PRDM5: variants seen among roughly 807,000 people sequenced by gnomAD.
PRDM5 encodes the protein PR/SET domain 5, also known as PR domain zinc finger protein 5.
PRDM5 carries 56 observed loss-of-function variants against 81.2 expected under a neutral mutation model. The observed-to-expected ratio is 0.69, with a 90% CI of 0.56 to 0.86. The LOEUF (loss-of-function observed/expected upper bound fraction) is 0.86, where lower values mean the gene tolerates loss of function less well. Ranked by LOEUF, PRDM5 falls within the 40% of genes least tolerant of loss-of-function variation. The pLI is 0.00. For synonymous variants in PRDM5, 267 were observed against 256.4 expected (o/e 1.04, Z -0.39); for missense variants, 697 against 770.1 (o/e 0.91, Z 1.12).
Position 120,758,626 on chromosome 4 carries a change from C to T in PRDM5, c.1538-3988G>A, listed in dbSNP as rs1578621167. Among the ~76,000 whole-genome samples the T allele has an allele frequency of 2.0e-5, 3 of 152,122 alleles. No individual in the cohort carries two copies. The South Asian group carries it at 6.2e-4, about 31-fold the overall frequency. On this transcript the variant is annotated intron_variant, in intron 13 of 15. Coordinates refer to ENST00000264808, the MANE Select transcript of PRDM5 (RefSeq NM_018699.4). ...CCTTCCCTAGCGCCTTCACAGGGAG[C>T]ATGGCCATGCAAGTGCCTTGATCTC...
chr4:120,901,327 T>C (rs1006359836), intron 2 of PRDM5, among the ~76,000 whole-genome samples: 2 of 152,212 alleles, frequency 1.3e-5, no homozygotes, highest in African/African-American at 4.8e-5. Flanking sequence ...TCATGATAAT[T>C]TGATCCTCTG....
intron 2 of PRDM5, among the ~76,000 whole-genome samples, chr4:120,859,573 T>C (rs947615084): frequency 9.8e-5 from 15 of 152,296 alleles, no homozygotes; most frequent in African/African-American, 2.9e-4. Context: ...GGAACAAAGA[T>C]AGTGTTAAGG....
chr4:120,701,411 C>A (rs891601332), intron 15 of PRDM5, among the ~76,000 whole-genome samples: 1 of 152,052 alleles, frequency 6.6e-6, no homozygotes, highest in Non-Finnish European at 1.5e-5. Context: ...TTCACAATAG[C>A]AGAGACATGG....
chr4:120,756,286 G>T (rs772804737), intron 13 of PRDM5, among the ~76,000 whole-genome samples: 1 of 152,120 alleles, frequency 6.6e-6, no homozygotes, highest in Non-Finnish European at 1.5e-5. Flanking sequence ...GCTTAAATCA[G>T]TGTGCATTGT....
intron 14 of PRDM5, among the ~76,000 whole-genome samples, chr4:120,717,548 C>T (rs1737971046): frequency 6.6e-6 from 1 of 152,144 alleles, no homozygotes; most frequent in South Asian, 2.1e-4. Context: ...GAGGGTTCTA[C>T]AGAAACAAAG....
chr4:120,744,470 CA>C (rs1280921718), intron 14 of PRDM5, among the ~76,000 whole-genome samples: 2 of 151,470 alleles, frequency 1.3e-5, no homozygotes, highest in East Asian at 3.9e-4. Flanking sequence ...AAAAACCCTT[CA>C]AAAAATTAAT....
chr4:120,772,171 G>C (rs750246036), intron 13 of PRDM5, among the ~76,000 whole-genome samples: 3 of 152,084 alleles, frequency 2.0e-5, no homozygotes, highest in Admixed American at 6.5e-5. Flanking sequence ...ACTAATCACG[G>C]CAACTCTCTA....
Position 120,803,830 on chromosome 4 carries a change from T to C in PRDM5, c.946-4085A>G, listed in dbSNP as rs6830205. Among the ~76,000 whole-genome samples, 1,306 of 152,240 alleles carry C rather than the reference T, an allele frequency of 8.6e-3. 20 individuals are homozygous for C. Among genetic ancestry groups the C allele is most frequent in the African/African-American group, 0.03 (1,236 of 41,536 alleles). ...AAATAGCAAGCTAACATCATAATGATAGGATCAAATTCACACATAACAATA... is the reference window on the plus strand; with the variant it reads ...AAATAGCAAGCTAACATCATAATGACAGGATCAAATTCACACATAACAATA... On this transcript the variant is annotated intron_variant, in intron 8 of 15. Transcript: ENST00000264808.
At chr4:120,784,934 A>G in intron 11 of PRDM5, 64 bp downstream of exon 11, 1 of 1,307,518 alleles carries the variant, frequency 7.6e-7, no homozygotes, top group Non-Finnish European at 1.1e-6. Flanking sequence ...TACATTCTCA[A>G]AGGTTATAAA....
intron 14 of PRDM5, among the ~76,000 whole-genome samples, chr4:120,742,466 T>A (rs1466627059): frequency 6.6e-6 from 1 of 152,116 alleles, no homozygotes; most frequent in African/African-American, 2.4e-5. Context: ...AGGCTTCAGA[T>A]GATCAAATTA....
intron 3 of PRDM5, among the ~76,000 whole-genome samples, chr4:120,840,372 G>A (rs920973667): frequency 1.3e-4 from 20 of 151,960 alleles, no homozygotes; most frequent in South Asian, 4.2e-4. Flanking sequence ...AGGCCCAGCC[G>A]TTGGGAATGT....
intron 2 of PRDM5, among the ~76,000 whole-genome samples, chr4:120,902,843 G>A (rs1579184874): frequency 6.6e-6 from 1 of 152,214 alleles, no homozygotes; most frequent in South Asian, 2.1e-4. Flanking sequence ...TGCACCTTTG[G>A]ACAAAGAGAG....
intron 3 of PRDM5, among the ~76,000 whole-genome samples, chr4:120,843,620 G>C (rs1758306901): frequency 6.6e-6 from 1 of 151,024 alleles, no homozygotes; most frequent in South Asian, 2.1e-4. Flanking sequence ...GAACCCAGGA[G>C]ATGGAGGCTG....
chr4:120,859,900 T>A (rs889518394), intron 2 of PRDM5, among the ~76,000 whole-genome samples: 4 of 152,178 alleles, frequency 2.6e-5, no homozygotes, highest in Admixed American at 1.3e-4. Flanking sequence ...GTCCGGGTTA[T>A]CCTCATGGGT....
intron 2 of PRDM5, among the ~76,000 whole-genome samples, chr4:120,874,863 T>C (rs1230831709): frequency 6.6e-6 from 1 of 152,238 alleles, no homozygotes; most frequent in Non-Finnish European, 1.5e-5. Flanking sequence ...GAAGTATATG[T>C]GTGTCCTATG....
intron 2 of PRDM5, among the ~76,000 whole-genome samples, chr4:120,901,392 T>TA (rs1199729970): frequency 6.6e-6 from 1 of 152,236 alleles, no homozygotes; most frequent in East Asian, 1.9e-4. Context: ...ACCCTGGTAA[T>TA]ACACTAACCT....
intron 3 of PRDM5, among the ~76,000 whole-genome samples, chr4:120,844,038 A>G (rs1342426198): frequency 6.6e-6 from 1 of 152,178 alleles, no homozygotes; most frequent in African/African-American, 2.4e-5. Context: ...AGCAGGGTGC[A>G]TAGGCCGCTG....
At chr4:120,841,393 GTAGTA>G (rs1375329369) in intron 3 of PRDM5, among the ~76,000 whole-genome samples, 1 of 152,106 alleles carries the variant, frequency 6.6e-6, no homozygotes, top group Non-Finnish European at 1.5e-5. Context: ...GGCACTGGAT[GTAGTA>G]CAGTCTTCTT....
Position 120,816,924 on chromosome 4 carries a change from A to G in PRDM5, c.651T>C (p.His217=). Residue 217 remains histidine, a splice_region_variant and synonymous_variant, in exon 6 of 16, where the codon CAT becomes CAC. Coordinates refer to ENST00000264808, the MANE Select transcript of PRDM5 (RefSeq NM_018699.4). The part of the protein sequence containing the change: ...KFPVKQALQR[H]VLQCTAKSSL... Reference sequence around the variant, plus strand: ...TGCTTTTCGCTGTGCACTGAAGAACACTAAAGGGAAATAGGAAAAAGAGAA... The same window carrying G: ...TGCTTTTCGCTGTGCACTGAAGAACGCTAAAGGGAAATAGGAAAAAGAGAA... The G allele has an allele frequency of 6.2e-7, 1 of 1,608,648 alleles. No individual in the cohort carries two copies. The highest frequency in any genetic ancestry group is 8.5e-7 in the Non-Finnish European group (1 of 1,174,952).
Sources: gnomAD v4.1 joint callset for allele counts (sites outside exome capture counted in the v4.1 genomes callset) on GRCh38, gnomAD v4.1.1 for gene constraint, MANE v1.5 for transcripts, NCBI Gene and HGNC (gene_info 2026-07-23, HGNC 2026-07-21) for gene names.